The following CERK variants were observed in gnomAD, a reference collection of about 807,000 sequenced individuals.
The protein encoded by CERK is ceramide kinase.
Under a neutral mutation model 63.4 loss-of-function variants are expected in CERK, and 39 were observed. The ratio of observed to expected loss-of-function variants is 0.61; its 90% CI spans 0.48 to 0.80. CERK has a LOEUF of 0.80. CERK is among the 30% of genes least tolerant of loss of function. The probability of loss-of-function intolerance (pLI) is 0.00; values close to 1 mark genes in which losing one functional copy is unlikely to be tolerated. For synonymous variants in CERK, 302 were observed against 280.0 expected, an observed-to-expected ratio of 1.08 and a Z score of -0.78; for missense variants, 670 against 714.1, an observed-to-expected ratio of 0.94 and a Z score of 0.70.
chr22:46,704,166 G>T (rs923705984), intron 6 of CERK, among the ~76,000 whole-genome samples: 1 of 152,158 alleles, frequency 6.6e-6, no homozygotes, highest in East Asian at 1.9e-4. Context: ...GGCACACAGC[G>T]GTACCCCCAC....
At chr22:46,723,317 A>T (rs1166388455) in intron 1 of CERK, among the ~76,000 whole-genome samples, 7 of 152,200 alleles carry the variant, frequency 4.6e-5, no homozygotes, top group Non-Finnish European at 1.0e-4. Context: ...TTATTGAGGA[A>T]CGTCAAGAAT....
At chr22:46,716,022 T>C (rs1162969007) in intron 3 of CERK, among the ~76,000 whole-genome samples, 1 of 151,900 alleles carries the variant, frequency 6.6e-6, no homozygotes, top group Non-Finnish European at 1.5e-5. Flanking sequence ...CCCAGCTCTA[T>C]GAAAAAATTT....
chr22:46,701,150 G>C (rs748942960), intron 7 of CERK, among the ~76,000 whole-genome samples: 18 of 152,370 alleles, frequency 1.2e-4, no homozygotes, highest in Non-Finnish European at 2.2e-4. Context: ...CCACCGTGCT[G>C]AGTGCCATGG....
chr22:46,720,965 C>T lies in CERK; in HGVS notation c.193G>A (p.Val65Ile), dbSNP rs759128566. 2.9e-5 allele frequency: 46 copies of T among 1,613,632 alleles called. No individual in the cohort carries two copies. In the Admixed American group the frequency reaches 5.0e-4, roughly 18 times the overall value. The change falls in exon 2 of 13, where the codon GTT (valine) becomes ATT (isoleucine). Residue 65 changes from valine to isoleucine, a missense_variant. By Grantham distance (29) the Val-to-Ile change is conservative (BLOSUM62 3). Transcript: ENST00000216264. The stretch of plus-strand genomic sequence containing the variant: ...CCACTGCCTTGATGTTTCCCGTGAA[C>T]GTCTGTTTCCTCAACGGCGATGATC... ...SEIIAVEETD[V>I]HGKHQGSGKW...
At chr22:46,690,234 C>A (rs1195078205) in intron 11 of CERK, 34 bp from the exon 12 acceptor site, 4 of 1,592,182 alleles carry the variant, frequency 2.5e-6, no homozygotes, top group Admixed American at 1.7e-5. Context: ...CCATTCAGCT[C>A]TAAACGTCAT....
chr22:46,723,995 G>T (rs1156988803), intron 1 of CERK, among the ~76,000 whole-genome samples: 1 of 152,078 alleles, frequency 6.6e-6, no homozygotes, highest in African/African-American at 2.4e-5. Context: ...ACCGCGCCTG[G>T]CCAGATTTTT....
At chr22:46,733,065 G>A (rs758804272) in intron 1 of CERK, among the ~76,000 whole-genome samples, 20 of 151,308 alleles carry the variant, frequency 1.3e-4, no homozygotes, top group Admixed American at 3.3e-4. Context: ...AAAATTAGCC[G>A]GGTGCAATGG....
At position 46,708,313 on chromosome 22, in the gene CERK, G is replaced by A. The variant is rs141727610; in HGVS notation, c.570-325C>T. On this transcript the variant is annotated intron_variant, in intron 5 of 12. Transcript: ENST00000216264. The stretch of plus-strand genomic sequence containing the variant: ...TCTGGGTCTCAGGACTCAAGTTTGC[G>A]GGGCGGGAAGAGTACACCTGTGCTG... 2.1e-3 allele frequency among the ~76,000 whole-genome samples: 315 copies of A among 152,360 alleles called. 1 individual carries two copies. Among genetic ancestry groups the A allele is most frequent in the Middle Eastern group, 6.8e-3 (2 of 294 alleles).
chr22:46,699,290 G>A (rs772450290), intron 8 of CERK, 23 bp downstream of exon 8: 11 of 1,612,370 alleles, frequency 6.8e-6, no homozygotes, highest in African/African-American at 1.3e-5. Context: ...AGCGGGGAGC[G>A]AGTCTGCATT....
In CERK at chr22:46,690,071, G is replaced by A; in HGVS notation, c.1462C>T (p.Pro488Ser). 2 of 1,613,770 alleles carry A rather than the reference G, an allele frequency of 1.2e-6. No homozygotes were observed. The highest frequency in any genetic ancestry group is 8.5e-7 in the Non-Finnish European group (1 of 1,179,942). The change falls in exon 12 of 13, where the codon CCC becomes TCC. Residue 488 changes from proline to serine, a missense_variant. Pro to Ser is a moderately conservative substitution (Grantham distance 74). Transcript: ENST00000216264. Reference protein sequence around the residue: ...KRFGHICSSHPSCCCTVSNSS... With the variant: ...KRFGHICSSHSSCCCTVSNSS... ...TTGGAGACGGTGCAGCAGCAGGAGG[G>A]GTGGCTGCTGCAAATGTGCCCAAAG...
At position 46,691,594 on chromosome 22, in the gene CERK, C is replaced by T. The variant is rs1454884206; in HGVS notation, c.1310G>A (p.Arg437Lys). The change falls in exon 11 of 13, where the codon AGG becomes AAG. Residue 437 changes from arginine (R) to lysine (K), a missense_variant. Physicochemically the swap from Arg to Lys is conservative, Grantham distance 26 (BLOSUM62 2). Coordinates refer to ENST00000216264, the MANE Select transcript of CERK (RefSeq NM_022766.6). ...SRFNFLRFLIRHTNQQDQFDF... is the reference protein window; with the variant it reads ...SRFNFLRFLIKHTNQQDQFDF... The stretch of plus-strand genomic sequence containing the variant: ...TACCTGGTCCTGCTGGTTGGTGTGC[C>T]TGATGAGAAATCTCAGAAAATTGAA... 2 of 1,613,842 alleles carry T rather than the reference C, an allele frequency of 1.2e-6. No individual in the cohort carries two copies. The highest frequency in any genetic ancestry group is 2.2e-5 in the South Asian group (2 of 91,052).
chr22:46,720,487 G>C (rs953664884), intron 2 of CERK, among the ~76,000 whole-genome samples: 19 of 152,144 alleles, frequency 1.2e-4, no homozygotes, highest in Non-Finnish European at 2.9e-5. Flanking sequence ...CTGAGGTCAG[G>C]AGTTCAAGAC....
intron 1 of CERK, among the ~76,000 whole-genome samples, chr22:46,723,096 C>G (rs755026082): frequency 6.6e-6 from 1 of 152,192 alleles, no homozygotes; most frequent in East Asian, 1.9e-4. Flanking sequence ...GGACCAAGGA[C>G]GCCCTGGGGT....
At chr22:46,700,128 G>C (rs1014834522) in intron 7 of CERK, among the ~76,000 whole-genome samples, 1 of 151,882 alleles carries the variant, frequency 6.6e-6, no homozygotes, top group Non-Finnish European at 1.5e-5. Flanking sequence ...GGTGGCCCGC[G>C]CCTGTAAGTA....
intron 11 of CERK, among the ~76,000 whole-genome samples, chr22:46,690,432 G>A (rs748692890): frequency 4.0e-5 from 6 of 151,808 alleles, no homozygotes; most frequent in Non-Finnish European, 7.4e-5. Context: ...CACCTTCCCC[G>A]GCGCCTACCT....
chr22:46,690,393 G>A (rs1347304807), intron 11 of CERK, among the ~76,000 whole-genome samples, 193 bp from the exon 12 acceptor site: 1 of 151,992 alleles, frequency 6.6e-6, no homozygotes, highest in Non-Finnish European at 1.5e-5. Context: ...GAGATGAAGG[G>A]AAACCTGGCA....
At chr22:46,707,749 A>G in intron 6 of CERK, 94 bp downstream of exon 6, 1 of 1,387,624 alleles carries the variant, frequency 7.2e-7, no homozygotes, top group Non-Finnish European at 9.9e-7. Context: ...ACTGAGTATA[A>G]TTGGGTTATT....
At chr22:46,728,102 A>C (rs1601730109) in intron 1 of CERK, among the ~76,000 whole-genome samples, 1 of 152,262 alleles carries the variant, frequency 6.6e-6, no homozygotes, top group African/African-American at 2.4e-5. Flanking sequence ...GACTAATCCT[A>C]GACCTGCTTA....
chr22:46,721,290 C>T (rs2082891081), intron 1 of CERK, among the ~76,000 whole-genome samples: 1 of 150,982 alleles, frequency 6.6e-6, no homozygotes, highest in South Asian at 2.1e-4. Context: ...AAAAGATATA[C>T]ATATATATAT....
Sources: allele counts gnomAD v4.1 joint callset (sites outside exome capture counted in the v4.1 genomes callset), GRCh38; gene constraint gnomAD v4.1.1; transcripts MANE v1.5; gene names NCBI Gene and HGNC (gene_info 2026-07-23, HGNC 2026-07-21).